Variants in MDGA1 observed in about 807,000 individuals in gnomAD.
The protein encoded by MDGA1 is MAM domain-containing glycosylphosphatidylinositol anchor protein 1.
MDGA1 carries 54 observed loss-of-function variants against 101.5 expected under a neutral mutation model. The ratio of observed to expected loss-of-function variants is 0.53; its 90% confidence interval spans 0.43 to 0.67. The LOEUF (loss-of-function observed/expected upper bound fraction) is 0.67. MDGA1 is among the 30% of genes least tolerant of loss of function. The pLI, the probability that MDGA1 is intolerant of heterozygous loss-of-function variation, is 0.00. For synonymous variants in MDGA1, 533 were observed against 558.3 expected (o/e 0.95, Z 0.64); for missense variants, 1,083 against 1,323.8 (o/e 0.82, Z 2.82).
At chr6:37,647,831 G>A (rs74404740) in intron 9 of MDGA1, among the ~76,000 whole-genome samples, 4,145 of 152,182 alleles carry the variant, frequency 0.027, 72 homozygotes, top group Middle Eastern at 0.059. Flanking sequence ...GCTGGGTGGA[G>A]GGGAGTGGGG....
chr6:37,641,250 C>T (rs1454288038), intron 14 of MDGA1, among the ~76,000 whole-genome samples: 1 of 152,196 alleles, frequency 6.6e-6, no homozygotes, highest in South Asian at 2.1e-4. Flanking sequence ...ACAGATGGTA[C>T]ACCTTTGTCT....
chr6:37,641,922 C>T (rs975176805), intron 14 of MDGA1: 20 of 152,190 alleles, frequency 1.3e-4, no homozygotes, highest in African/African-American at 4.3e-4. Flanking sequence ...TCTTGTTCAT[C>T]AGTTCAGCTT....
In MDGA1 at chr6:37,638,228, C is replaced by T. The variant is rs201447768; in HGVS notation, c.2753G>A (p.Arg918Gln). The part of the protein sequence containing the change: ...DVTLKKGECP[R>Q]KQTDPNKVVV... ...ACCTTTATTGGGATCCGTCTGCTTC[C>T]GGGGACACTCCCCCTTCTTCAGTGT... The change falls in exon 16 of 17, where the codon CGG becomes CAG. Residue 918 changes from arginine to glutamine, a missense_variant. Transcript: ENST00000434837. This position sits in a 1 kb window ranked among gnomAD's most constrained non-coding sequence, Gnocchi z 4.8. 147 of 1,613,618 alleles carry T rather than the reference C, an allele frequency of 9.1e-5. No homozygotes were observed. The African/African-American group carries it at 1.1e-3, about 12-fold the overall frequency.
rs1761196138 is a variant in MDGA1, at chr6:37,646,328, C to T, written c.2094G>A (p.Val698=). The part of the protein sequence containing the change: ...AVVKAIPVRR[V]EKGQLLEYIL... ...TGTACTCCAGCAGCTGCCCCTTCTC[C>T]ACACGCCGGACCGGGATGGCCTTGA... The change falls in exon 11 of 17, where the codon GTG becomes GTA. Residue 698 remains valine (V), a synonymous_variant. Coordinates refer to ENST00000434837, the MANE Select transcript of MDGA1 (RefSeq NM_153487.4). 9 of 1,586,468 alleles carry T rather than the reference C, an allele frequency of 5.7e-6. No individual in the cohort carries two copies. Among genetic ancestry groups the T allele is most frequent in the Non-Finnish European group, 7.7e-6 (9 of 1,165,410 alleles).
chr6:37,638,709 G>A lies in MDGA1; in HGVS notation c.2537-42C>T. The A allele has an allele frequency of 6.3e-7, 1 of 1,581,632 alleles. No homozygotes were observed. Among genetic ancestry groups the A allele is most frequent in the Non-Finnish European group, 8.6e-7 (1 of 1,162,958 alleles). ...GACAGTGGGCAGTGAGATCTGGCCAGGGCACCCTCACCTTTCCACATTTAC... is the reference window on the plus strand; with the variant it reads ...GACAGTGGGCAGTGAGATCTGGCCAAGGCACCCTCACCTTTCCACATTTAC... On this transcript the variant is annotated intron_variant, in intron 14 of 16. Coordinates refer to ENST00000434837, the MANE Select transcript of MDGA1 (RefSeq NM_153487.4). This position sits in a 1 kb window ranked among gnomAD's most constrained non-coding sequence, Gnocchi z 4.8.
rs754033018 is a variant in MDGA1, at chr6:37,652,347, G to A, written c.983-7C>T. The stretch of plus-strand genomic sequence containing the variant: ...AATGTAGCGTTCTTCATGGCTGTGA[G>A]TGGATGGGGAGGGAAGGGTAGTTGG... On this transcript the variant is annotated splice_region_variant and splice_polypyrimidine_tract_variant and intron_variant, in intron 6 of 16. Coordinates refer to ENST00000434837, the MANE Select transcript of MDGA1 (RefSeq NM_153487.4). This position sits in a 1 kb window ranked among gnomAD's most constrained non-coding sequence, Gnocchi z 4.3. The A allele has an allele frequency of 2.5e-6, 4 of 1,596,156 alleles. No individual in the cohort carries two copies. Among genetic ancestry groups the A allele is most frequent in the South Asian group, 2.2e-5 (2 of 89,538 alleles).
Position 37,637,443 on chromosome 6 carries a change from G to C in MDGA1, c.2793C>G (p.Gly931=). The C allele has an allele frequency of 6.2e-7, 1 of 1,613,282 alleles. No individual in the cohort carries two copies. Among genetic ancestry groups the C allele is most frequent in the Non-Finnish European group, 8.5e-7 (1 of 1,179,628 alleles). The change falls in exon 17 of 17, where the codon GGC becomes GGG. Residue 931 remains glycine, a synonymous_variant. Coordinates refer to ENST00000434837, the MANE Select transcript of MDGA1 (RefSeq NM_153487.4). ...GGCTGGACTGGCAGGGGGCTCCACT[G>C]CCCGGCATCACCACCACTGCAACAG... ...TDPNKVVVMP[G]SGAPCQSSPQ... is the part of the protein sequence containing the mutation.
intron 1 of MDGA1, among the ~76,000 whole-genome samples, chr6:37,681,395 T>C (rs1762095003): frequency 6.6e-6 from 1 of 152,102 alleles, no homozygotes; most frequent in Non-Finnish European, 1.5e-5. Flanking sequence ...CCCTGACTGA[T>C]GACCCAGGGT....
At position 37,635,963 on chromosome 6, in the gene MDGA1, GCA is replaced by G. The variant is rs1290185697; in HGVS notation, c.*1403_*1404del. 1.3e-5 allele frequency: 5 copies of G among 386,468 alleles called. No individual in the cohort carries two copies. The highest frequency in any genetic ancestry group is 2.3e-5 in the Non-Finnish European group (5 of 218,490). 23.9% of individuals were successfully genotyped at this position (386,468 alleles called of 1,614,324 possible). A position where few individuals can be genotyped will look rare whatever the true frequency, so the allele number is the denominator to read the frequency against. ...GTCTCACAGGCAGATATGTGAGATT[GCA>G]CACACAGACCTGTGTTTGCACACAC... On this transcript the variant is annotated 3_prime_UTR_variant, in exon 17 of 17. Transcript: ENST00000434837.
chr6:37,667,225 C>T lies in MDGA1; in HGVS notation c.68-3119G>A, dbSNP rs537572431. 1.7e-3 allele frequency among the ~76,000 whole-genome samples: 263 copies of T among 152,288 alleles called. 2 individuals carry two copies. The highest frequency in any genetic ancestry group is 0.014 in the South Asian group (68 of 4,826). On this transcript the variant is annotated intron_variant, in intron 1 of 16. Transcript: ENST00000434837. ...GGGTCTCTGCAGACAGCAGCGGGTT[C>T]GGTGGACAGTGGTAGCTGCTACCAA...
intron 1 of MDGA1, among the ~76,000 whole-genome samples, chr6:37,665,564 G>A (rs12191101): frequency 0.6 from 91,904 of 152,024 alleles, 28,317 homozygotes; most frequent in Non-Finnish European, 0.65. Flanking sequence ...GATAAGCAAT[G>A]CTGAAACAAT....
At chr6:37,675,915 A>G (rs1244408237) in intron 1 of MDGA1, among the ~76,000 whole-genome samples, 1 of 152,194 alleles carries the variant, frequency 6.6e-6, no homozygotes, top group African/African-American at 2.4e-5. Context: ...TACCTATTGA[A>G]CCAAGCCCAC....
rs1762428504 is a variant in MDGA1, at chr6:37,696,756, T to C, written c.56A>G (p.Gln19Arg). 6.3e-7 allele frequency: 1 copy of C among 1,583,084 alleles called. No homozygotes were observed. Among genetic ancestry groups the C allele is most frequent in the African/African-American group, 1.3e-5 (1 of 74,396 alleles). The change falls in exon 1 of 17, where the codon CAA (glutamine) becomes CGA (arginine). Residue 19 changes from glutamine (Q) to arginine (R), a missense_variant. Physicochemically the swap from Gln to Arg is conservative, Grantham distance 43. Transcript: ENST00000434837. The surrounding 1 kb of genome is among the most constrained non-coding windows in gnomAD (Gnocchi z 5.6). ...ACGCGGGCTCTTACCGTAGACTCCT[T>C]GTCCCCGGCAGTGGAAGGGGATCAG... ...LALIPFHCRG[Q>R]GVYAPAQAQI...
At chr6:37,651,122 A>G (rs1312492382) in intron 7 of MDGA1, among the ~76,000 whole-genome samples, 1 of 152,264 alleles carries the variant, frequency 6.6e-6, no homozygotes, top group Non-Finnish European at 1.5e-5. Context: ...TTGGTGGAGC[A>G]GAGCCCCTAT....
In MDGA1 at chr6:37,646,443, G is replaced by C. The variant is rs111547347; in HGVS notation, c.2047-68C>G. 5,260 of 1,352,940 alleles carry C rather than the reference G, an allele frequency of 3.9e-3. 62 individuals carry two copies. Among genetic ancestry groups the C allele is most frequent in the Middle Eastern group, 0.027 (126 of 4,690 alleles). The allele number at this position is 1,352,940 out of a possible 1,614,324, so 83.8% of individuals were successfully genotyped here. On this transcript the variant is annotated intron_variant, in intron 10 of 16. Transcript: ENST00000434837. ...CCTCAGTTTCCTCATCTGTGAGACA[G>C]GACAATCACCCCTTCCGTGCCCACC... is the stretch of plus-strand genomic sequence containing the variant.
Position 37,655,965 on chromosome 6 carries a change from C to A in MDGA1, c.383-69G>T. 3 of 1,385,696 alleles carry A rather than the reference C, an allele frequency of 2.2e-6. No individual in the cohort carries two copies. Among genetic ancestry groups the A allele is most frequent in the Admixed American group, 2.4e-5 (1 of 42,552 alleles). 85.8% of individuals were successfully genotyped at this position (1,385,696 alleles called of 1,614,324 possible). ...AAGGTTGGGGGGCTCAGGCTCCTGGCAGCCCTTAGGAAGAGCTGAGCCACC... is the reference window on the plus strand; with the variant it reads ...AAGGTTGGGGGGCTCAGGCTCCTGGAAGCCCTTAGGAAGAGCTGAGCCACC... On this transcript the variant is annotated intron_variant, in intron 3 of 16. Coordinates refer to ENST00000434837, the MANE Select transcript of MDGA1 (RefSeq NM_153487.4). This position sits in a 1 kb window ranked among gnomAD's most constrained non-coding sequence, Gnocchi z 5.1.
Position 37,658,342 on chromosome 6 carries a change from G to T in MDGA1, c.285C>A (p.Ile95=), listed in dbSNP as rs774778184. 1 of 1,613,158 alleles carries T rather than the reference G, an allele frequency of 6.2e-7. No homozygotes were observed. The highest frequency in any genetic ancestry group is 8.5e-7 in the Non-Finnish European group (1 of 1,179,728). ...CGCCCTGCGTGCGTGCAATACGCTC[G>T]ATGCGCAGCGTCTCGTTGAACACCG... The part of the protein sequence containing the change: ...ETSVFNETLR[I]ERIARTQGGR... Residue 95 remains isoleucine (I), a synonymous_variant, in exon 3 of 17, where the codon ATC becomes ATA. Coordinates refer to ENST00000434837, the MANE Select transcript of MDGA1 (RefSeq NM_153487.4).
intron 9 of MDGA1, 123 bp downstream of exon 9, chr6:37,648,859 A>AGTAG: frequency 7.1e-7 from 1 of 1,410,054 alleles, no homozygotes; most frequent in Non-Finnish European, 9.2e-7. Context: ...CTAAGCCTGG[A>AGTAG]GTAGGTGGGC....
Position 37,697,276 on chromosome 6 carries a change from G to A in MDGA1, c.-465C>T, listed in dbSNP as rs1292178802. The A allele has an allele frequency of 6.4e-6, 1 of 156,934 alleles. No individual in the cohort carries two copies. The highest frequency in any genetic ancestry group is 1.4e-5 in the Non-Finnish European group (1 of 71,220). The allele number at this position is 156,934 out of a possible 1,614,324, so 9.7% of individuals were successfully genotyped here. On this transcript the variant is annotated 5_prime_UTR_variant, in exon 1 of 17. Coordinates refer to ENST00000434837, the MANE Select transcript of MDGA1 (RefSeq NM_153487.4). The stretch of plus-strand genomic sequence containing the variant: ...AGTCGGGGAGGCCGGGGCTCCGCTC[G>A]AGTTAATCAATCTGCTGTTTCCAGT...
Sources: allele counts gnomAD v4.1 joint callset (sites outside exome capture counted in the v4.1 genomes callset), GRCh38; gene constraint gnomAD v4.1.1; non-coding constraint Gnocchi (gnomAD v3.1); transcripts MANE v1.5; gene names NCBI Gene and HGNC (gene_info 2026-07-23, HGNC 2026-07-21).